Variants in NELFA observed in about 807,000 individuals in gnomAD.
NELFA encodes the protein negative elongation factor complex member A, also known as negative elongation factor A.
In NELFA, 35 loss-of-function variants were observed where a neutral mutation model predicts 51.8. The observed-to-expected ratio is 0.68, with a 90% confidence interval of 0.52 to 0.90. NELFA has a LOEUF of 0.90. NELFA is among the 40% of genes least tolerant of loss of function. NELFA has a pLI of 0.00. For missense variants in NELFA, 658 were observed against 746.4 expected, an observed-to-expected ratio of 0.88 and a Z score of 1.38; for synonymous variants, 417 against 338.4, an observed-to-expected ratio of 1.23 and a Z score of -2.55.
At chr4:2,000,099 A>G (rs1390093479) in intron 1 of NELFA, among the ~76,000 whole-genome samples, 1 of 152,214 alleles carries the variant, frequency 6.6e-6, no homozygotes, top group African/African-American at 2.4e-5. Flanking sequence ...AATGTAGCAG[A>G]ATCTCTGGGA....
In NELFA at chr4:2,008,967, GA is replaced by G; in HGVS notation, c.-9del. 1 of 1,552,862 alleles carries G rather than the reference GA, an allele frequency of 6.4e-7. No individual in the cohort carries two copies. The highest frequency in any genetic ancestry group is 8.7e-7 in the Non-Finnish European group (1 of 1,147,826). Reference sequence around the variant, plus strand: ...CTCCCGCATGGACGCCATCTTGGGGGAAAGCGCGCGCCGCTGCCCCGGCATC... The same window carrying G: ...CTCCCGCATGGACGCCATCTTGGGGGAAGCGCGCGCCGCTGCCCCGGCATC... On this transcript the variant is annotated 5_prime_UTR_variant, in exon 1 of 11. Transcript: ENST00000382882.
chr4:1,996,805 G>A (rs1220686653), intron 1 of NELFA, among the ~76,000 whole-genome samples: 3 of 152,174 alleles, frequency 2.0e-5, no homozygotes, highest in African/African-American at 4.8e-5. Context: ...GGTGGCACAC[G>A]CCTGTGATCC....
At chr4:1,985,734 C>A in intron 7 of NELFA, 42 bp downstream of exon 7, 2 of 1,546,942 alleles carry the variant, frequency 1.3e-6, no homozygotes, top group Non-Finnish European at 1.8e-6. Context: ...AAAAGGGGCA[C>A]CCGCAGTGGT....
At position 1,998,086 on chromosome 4, in the gene NELFA, G is replaced by A. The variant is rs189135510; in HGVS notation, c.211-6371C>T. Among the ~76,000 whole-genome samples the A allele has an allele frequency of 1.1e-4, 16 of 143,960 alleles. No individual in the cohort carries two copies. The East Asian group carries it at 3.3e-3, about 30-fold the overall frequency. The allele number at this position is 143,960 out of a possible 152,430, so 94.4% of individuals were successfully genotyped here. A position where few individuals can be genotyped will look rare whatever the true frequency, so the allele number is the denominator to read the frequency against. On this transcript the variant is annotated intron_variant, in intron 1 of 10. Coordinates refer to ENST00000382882, the MANE Select transcript of NELFA (RefSeq NM_005663.5). Reference sequence around the variant, plus strand: ...CAAGGAAAACAAACGAGCAGAAAACGACAACAGCATCAACAACAACAACAA... The same window carrying A: ...CAAGGAAAACAAACGAGCAGAAAACAACAACAGCATCAACAACAACAACAA...
chr4:1,991,743 C>G (rs1340666848), intron 1 of NELFA, 28 bp from the exon 2 acceptor site: 1 of 1,562,948 alleles, frequency 6.4e-7, no homozygotes, highest in East Asian at 2.2e-5. Context: ...GCCGGCGCCA[C>G]CATGCCCCTG....
chr4:1,995,730 A>C (rs533894802), intron 1 of NELFA, among the ~76,000 whole-genome samples: 1 of 152,214 alleles, frequency 6.6e-6, no homozygotes, highest in Non-Finnish European at 1.5e-5. Flanking sequence ...TAAAGATCCA[A>C]GGTTGAGCTC....
At chr4:2,006,517 C>A (rs1196822517) in intron 1 of NELFA, among the ~76,000 whole-genome samples, 3 of 151,990 alleles carry the variant, frequency 2.0e-5, no homozygotes, top group Non-Finnish European at 2.9e-5. Context: ...ACCTGTAATC[C>A]CAACACTATG....
intron 1 of NELFA, among the ~76,000 whole-genome samples, chr4:1,997,780 C>T (rs915047037): frequency 3.9e-5 from 6 of 152,186 alleles, no homozygotes; most frequent in African/African-American, 1.4e-4. Context: ...CATCATGGGA[C>T]AAAGTGCTTC....
intron 5 of NELFA, 41 bp from the exon 6 acceptor site, chr4:1,986,224 G>A: frequency 1.3e-6 from 2 of 1,562,176 alleles, no homozygotes; most frequent in African/African-American, 1.4e-5. Flanking sequence ...GACGGCACCA[G>A]GGCGCAACGG....
chr4:2,005,596 G>A (rs143864719), intron 1 of NELFA, among the ~76,000 whole-genome samples: 73 of 152,248 alleles, frequency 4.8e-4, no homozygotes, highest in African/African-American at 1.7e-3. Flanking sequence ...GGAAGCTAAG[G>A]TAGGAGAATC....
chr4:1,992,047 C>A (rs1022984990), intron 1 of NELFA: 1 of 254,290 alleles, frequency 3.9e-6, no homozygotes, highest in Non-Finnish European at 7.6e-6. Context: ...GAAGCCGGGG[C>A]CACCACTGCT....
At position 1,989,696 on chromosome 4, in the gene NELFA, G is replaced by A. The variant is rs2234564; in HGVS notation, c.544+12C>T. On this transcript the variant is annotated intron_variant, in intron 3 of 10. Transcript: ENST00000382882. This position sits in a 1 kb window ranked among gnomAD's most constrained non-coding sequence, Gnocchi z 4.8. Reference sequence around the variant, plus strand: ...ACAAAGACAATGCCCGATGGCGGCCGCGGCCACTCACACTTCTGCAGCAGC... The same window carrying A: ...ACAAAGACAATGCCCGATGGCGGCCACGGCCACTCACACTTCTGCAGCAGC... 7,550 of 1,611,386 alleles carry A rather than the reference G, an allele frequency of 4.7e-3. 190 individuals carry two copies. The African/African-American group carries it at 0.073, about 16-fold the overall frequency.
intron 2 of NELFA, among the ~76,000 whole-genome samples, chr4:1,991,297 C>G (rs1324738047): frequency 6.6e-6 from 1 of 152,122 alleles, no homozygotes; most frequent in African/African-American, 2.4e-5. Flanking sequence ...AGTGGCGTGA[C>G]ACAGCCTCCC....
intron 8 of NELFA, 87 bp from the exon 9 acceptor site, chr4:1,984,200 C>T: frequency 1.7e-5 from 24 of 1,396,316 alleles, no homozygotes; most frequent in Non-Finnish European, 2.2e-5. Flanking sequence ...AGGCTCAGCT[C>T]CCCTTCTCTG....
intron 1 of NELFA, chr4:1,992,209 G>A: frequency 4.4e-6 from 1 of 226,814 alleles, no homozygotes; most frequent in Non-Finnish European, 8.9e-6. Context: ...ACCTGGGGCA[G>A]CACCCGTGAC....
At chr4:2,001,906 AG>A (rs1202213972) in intron 1 of NELFA, among the ~76,000 whole-genome samples, 1 of 133,498 alleles carries the variant, frequency 7.5e-6, no homozygotes, top group Non-Finnish European at 1.6e-5. Context: ...CTGTCTCAAA[AG>A]AAAAAAAAAA....
In NELFA at chr4:1,983,734, C is replaced by T. The variant is rs546719130; in HGVS notation, c.1303-39G>A. On this transcript the variant is annotated intron_variant, in intron 9 of 10. Transcript: ENST00000382882. Reference sequence around the variant, plus strand: ...AGGGGTGTGGGTGCCAGGGCCCCGCCAGGACCACCTCCTGCATCCCCCTGC... The same window carrying T: ...AGGGGTGTGGGTGCCAGGGCCCCGCTAGGACCACCTCCTGCATCCCCCTGC... 6.8e-6 allele frequency: 11 copies of T among 1,609,886 alleles called. No homozygotes were observed. In the South Asian group the frequency reaches 1.2e-4, roughly 18 times the overall value.
chr4:2,008,668 A>C, intron 1 of NELFA, 82 bp downstream of exon 1: 1 of 1,484,060 alleles, frequency 6.7e-7, no homozygotes, highest in Non-Finnish European at 9.1e-7. Flanking sequence ...GGAGGGAGCG[A>C]GGAGGGTCCG....
In NELFA at chr4:1,991,449, G is replaced by A. The variant is rs922835472; in HGVS notation, c.382+95C>T. On this transcript the variant is annotated intron_variant, in intron 2 of 10. Coordinates refer to ENST00000382882, the MANE Select transcript of NELFA (RefSeq NM_005663.5). Reference sequence around the variant, plus strand: ...TAGGGACCAGGACACACGGAAAAACGTAAAGGTCTAAAAATCAAATTCATT... The same window carrying A: ...TAGGGACCAGGACACACGGAAAAACATAAAGGTCTAAAAATCAAATTCATT... 26 of 1,318,878 alleles carry A rather than the reference G, an allele frequency of 2.0e-5. No homozygotes were observed. The South Asian group carries it at 2.4e-4, about 12-fold the overall frequency. The allele number at this position is 1,318,878 out of a possible 1,614,324, so 81.7% of individuals were successfully genotyped here. A position where few individuals can be genotyped will look rare whatever the true frequency, so the allele number is the denominator to read the frequency against.
Sources: allele counts gnomAD v4.1 joint callset (sites outside exome capture counted in the v4.1 genomes callset), GRCh38; gene constraint gnomAD v4.1.1; non-coding constraint Gnocchi (gnomAD v3.1); transcripts MANE v1.5; gene names NCBI Gene and HGNC (gene_info 2026-07-23, HGNC 2026-07-21).